Variants in LRP1B observed in about 807,000 individuals in gnomAD.
LRP1B encodes low-density lipoprotein receptor-related protein 1B.
LRP1B carries 217 observed loss-of-function variants against 556.6 expected under a neutral mutation model. That is an observed-to-expected ratio of 0.39 (90% CI 0.35 to 0.44). The LOEUF (loss-of-function observed/expected upper bound fraction) is 0.44. LRP1B is among the 20% of genes least tolerant of loss of function. The probability of loss-of-function intolerance (pLI) is 1.00; values close to 1 mark genes in which losing one functional copy is unlikely to be tolerated. For missense variants in LRP1B, 5,053 were observed against 5,620.8 expected (o/e 0.90, Z 3.23); for synonymous variants, 2,047 against 1,865.8 (o/e 1.10, Z -2.50).
intron 1 of LRP1B, among the ~76,000 whole-genome samples, chr2:141,905,228 A>C (rs367726928): frequency 2.0e-5 from 3 of 151,892 alleles, no homozygotes; most frequent in East Asian, 3.9e-4. Flanking sequence ...TATAATGTCT[A>C]GGACAAAGGG....
At chr2:141,913,614 C>G (rs1378772116) in intron 1 of LRP1B, among the ~76,000 whole-genome samples, 1 of 151,994 alleles carries the variant, frequency 6.6e-6, no homozygotes, top group Non-Finnish European at 1.5e-5. Context: ...TAAGGAATAC[C>G]CCACTTGGAA....
chr2:141,794,267 G>A (rs1381013455), intron 2 of LRP1B, among the ~76,000 whole-genome samples: 1 of 151,834 alleles, frequency 6.6e-6, no homozygotes, highest in Non-Finnish European at 1.5e-5. Flanking sequence ...TTTGCAGTAA[G>A]TAAACAGGAA....
intron 3 of LRP1B, among the ~76,000 whole-genome samples, chr2:141,369,767 T>C (rs1367737950): frequency 1.3e-5 from 2 of 152,196 alleles, no homozygotes; most frequent in Non-Finnish European, 2.9e-5. Flanking sequence ...ACTGAAGCAA[T>C]GCACATTGTA....
At chr2:140,514,793 A>C in intron 50 of LRP1B, 21 bp from the exon 51 acceptor site, 1 of 1,544,772 alleles carries the variant, frequency 6.5e-7, no homozygotes, top group South Asian at 1.1e-5. Context: ...AACAAAAGGA[A>C]AAAAAAAAAT....
chr2:140,504,587 C>G (rs1689327740), intron 53 of LRP1B, among the ~76,000 whole-genome samples: 1 of 152,110 alleles, frequency 6.6e-6, no homozygotes, highest in African/African-American at 2.4e-5. Context: ...GTCTGATTAA[C>G]ACCTCATATT....
At chr2:141,846,710 A>G (rs544978956) in intron 1 of LRP1B, among the ~76,000 whole-genome samples, 1 of 151,506 alleles carries the variant, frequency 6.6e-6, no homozygotes, top group Non-Finnish European at 1.5e-5. Context: ...CCATCAATAT[A>G]AAATATTAAT....
chr2:141,905,218 T>C lies in LRP1B; in HGVS notation c.83-94817A>G, dbSNP rs75731474. Among the ~76,000 whole-genome samples, 416 of 151,798 alleles carry C rather than the reference T, an allele frequency of 2.7e-3. 1 individual carries two copies. The highest frequency in any genetic ancestry group is 9.3e-3 in the African/African-American group (385 of 41,444). On this transcript the variant is annotated intron_variant, in intron 1 of 90. Transcript: ENST00000389484. ...TTCAAATACTTGAGAGAAGAGAAAA[T>C]ATAATGTCTAGGACAAAGGGCAGGG...
chr2:141,859,203 C>T (rs921450165), intron 1 of LRP1B, among the ~76,000 whole-genome samples: 4 of 152,110 alleles, frequency 2.6e-5, no homozygotes, highest in African/African-American at 9.7e-5. Context: ...TTCCTAATAT[C>T]TATCATGTTG....
intron 63 of LRP1B, among the ~76,000 whole-genome samples, chr2:140,445,836 G>T (rs548585052): frequency 1.3e-5 from 2 of 152,014 alleles, no homozygotes; most frequent in Non-Finnish European, 2.9e-5. Context: ...TATGTTGTTT[G>T]CAATAAAACA....
At chr2:141,573,696 C>A (rs1356280357) in intron 2 of LRP1B, among the ~76,000 whole-genome samples, 2 of 147,946 alleles carry the variant, frequency 1.4e-5, no homozygotes, top group African/African-American at 5.0e-5. Context: ...AAAAAATAGA[C>A]CACTAGCTAG....
chr2:140,280,530 G>C (rs1292475086), intron 84 of LRP1B, among the ~76,000 whole-genome samples: 1 of 151,686 alleles, frequency 6.6e-6, no homozygotes, highest in African/African-American at 2.4e-5. Flanking sequence ...TTGATTATTT[G>C]CTGTGGACAT....
At chr2:140,363,263 C>T (rs1682603172) in intron 72 of LRP1B, among the ~76,000 whole-genome samples, 1 of 151,540 alleles carries the variant, frequency 6.6e-6, no homozygotes, top group Admixed American at 6.6e-5. Flanking sequence ...GTTGATATTG[C>T]TCACTGAGAG....
At chr2:140,814,024 G>C (rs1309983502) in intron 31 of LRP1B, among the ~76,000 whole-genome samples, 1 of 151,988 alleles carries the variant, frequency 6.6e-6, no homozygotes, top group Non-Finnish European at 1.5e-5. Context: ...ATTTATACTG[G>C]AGTGCAGTGG....
intron 31 of LRP1B, among the ~76,000 whole-genome samples, chr2:140,820,156 T>A (rs1256733443): frequency 7.2e-6 from 1 of 139,614 alleles, no homozygotes; most frequent in African/African-American, 3.4e-5. Context: ...GTATTAAATA[T>A]TTTTTGTAGA....
chr2:140,562,610 T>C (rs1680971112), intron 43 of LRP1B, among the ~76,000 whole-genome samples: 1 of 152,032 alleles, frequency 6.6e-6, no homozygotes, highest in Non-Finnish European at 1.5e-5. Flanking sequence ...TTTCTTTTCT[T>C]TTCTGTTATT....
intron 44 of LRP1B, among the ~76,000 whole-genome samples, chr2:140,541,335 C>G (rs180714253): frequency 8.5e-4 from 130 of 152,178 alleles, no homozygotes; most frequent in African/African-American, 3.0e-3. Context: ...TGAACTAGTT[C>G]TGCTAGAAAC....
chr2:140,429,065 G>A (rs1010925218), intron 66 of LRP1B, among the ~76,000 whole-genome samples: 10 of 151,876 alleles, frequency 6.6e-5, no homozygotes, highest in Non-Finnish European at 1.0e-4. Flanking sequence ...CCTTGGCAAC[G>A]GATCATGCAC....
chr2:140,272,136 A>G lies in LRP1B; in HGVS notation c.13143-1790T>C, dbSNP rs375549209. ...AAGTTGAAGACAGAAATTTGTAGAC[A>G]TTTTAAATGTGAAATACAAATAGTT... On this transcript the variant is annotated intron_variant, in intron 85 of 90. Transcript: ENST00000389484. Among the ~76,000 whole-genome samples, 5 of 152,032 alleles carry G rather than the reference A, an allele frequency of 3.3e-5. No individual in the cohort carries two copies. The East Asian group carries it at 5.8e-4, about 18-fold the overall frequency.
chr2:140,902,950 C>A lies in LRP1B; in HGVS notation c.3736G>T (p.Asp1246Tyr), dbSNP rs778648870. 6.8e-6 allele frequency: 11 copies of A among 1,613,480 alleles called. No homozygotes were observed. The highest frequency in any genetic ancestry group is 1.6e-4 in the Middle Eastern group (1 of 6,074). ...KCSCYEGWKL[D>Y]VDGESCTSVD... is the part of the protein sequence containing the mutation. ...CTTGTACAACTTTCACCGTCTACAT[C>A]CAGCTTCCAACCTTCATAACATGAG... is the stretch of plus-strand genomic sequence containing the variant. The change falls in exon 23 of 91, where the codon GAT (aspartate) becomes TAT (tyrosine). Residue 1246 changes from aspartate to tyrosine, a missense_variant. Coordinates refer to ENST00000389484, the MANE Select transcript of LRP1B (RefSeq NM_018557.3).
Sources: allele counts gnomAD v4.1 joint callset (sites outside exome capture counted in the v4.1 genomes callset), GRCh38; gene constraint gnomAD v4.1.1; transcripts MANE v1.5; gene names NCBI Gene and HGNC (gene_info 2026-07-23, HGNC 2026-07-21).